The following ZC3H4 variants were observed in gnomAD, a reference collection of about 807,000 sequenced individuals.
The protein encoded by ZC3H4 is zinc finger CCCH-type containing 4, also known as zinc finger CCCH domain-containing protein 4.
ZC3H4 carries 13 observed loss-of-function variants against 108.3 expected under a neutral mutation model. The observed-to-expected ratio is 0.12, with a 90% CI of 0.08 to 0.19. ZC3H4 has a LOEUF of 0.19. Ranked by LOEUF, ZC3H4 falls within the 10% of genes least tolerant of loss-of-function variation. The pLI, the probability that ZC3H4 is intolerant of heterozygous loss-of-function variation, is 1.00. For missense variants in ZC3H4, 1,734 were observed against 1,838.8 expected (o/e 0.94, Z 1.04); for synonymous variants, 917 against 749.6 (o/e 1.22, Z -3.65).
intron 2 of ZC3H4, among the ~76,000 whole-genome samples, chr19:47,102,076 C>G (rs1382347328): frequency 1.3e-5 from 2 of 152,124 alleles, no homozygotes; most frequent in African/African-American, 4.8e-5. Flanking sequence ...AGTGGGACAA[C>G]TCAGCAATGT....
Position 47,071,798 on chromosome 19 carries a change from G to A in ZC3H4, c.2126C>T (p.Pro709Leu), listed in dbSNP as rs371980126. 1.2e-6 allele frequency: 2 copies of A among 1,612,102 alleles called. No homozygotes were observed. The highest frequency in any genetic ancestry group is 4.5e-5 in the East Asian group (2 of 44,864). Residue 709 changes from proline (P) to leucine (L), a missense_variant, in exon 13 of 15, where the codon CCC becomes CTC. By Grantham distance (98) the Pro-to-Leu change is moderately conservative (BLOSUM62 -3). Around this residue, in one of 9 missense-constraint regions of ZC3H4, gnomAD observed 540 missense variants for 484.1 expected, o/e 1.12. Coordinates refer to ENST00000253048, the MANE Select transcript of ZC3H4 (RefSeq NM_015168.2). Reference sequence around the variant, plus strand: ...CATACCTGCATCCCCCAGGAGTCCGGGCTCCATCTCCATGCCCTCCTGCTG... The same window carrying A: ...CATACCTGCATCCCCCAGGAGTCCGAGCTCCATCTCCATGCCCTCCTGCTG... ...YQQQEGMEME[P>L]GLLGDAEDYG...
At chr19:47,093,013 G>C (rs1159345566) in intron 4 of ZC3H4, among the ~76,000 whole-genome samples, 2 of 151,850 alleles carry the variant, frequency 1.3e-5, no homozygotes, top group East Asian at 3.9e-4. Flanking sequence ...TCAGGAGATG[G>C]AGACCATCCT....
chr19:47,071,045 C>T (rs1219755894), intron 13 of ZC3H4, among the ~76,000 whole-genome samples: 3 of 152,208 alleles, frequency 2.0e-5, no homozygotes, highest in Non-Finnish European at 4.4e-5. Context: ...TTGTGAGTGC[C>T]GCTTCACTTC....
rs778461185 is a variant in ZC3H4 at position 47,064,586 on chromosome 19, G to A, written c.*1770C>T. On this transcript the variant is annotated 3_prime_UTR_variant, in exon 15 of 15. Coordinates refer to ENST00000253048, the MANE Select transcript of ZC3H4 (RefSeq NM_015168.2). ...TTTTACAAAAGAAAATTCTCAAAAG[G>A]AGAGGAAAAACAACAACAAAAACCA... is the stretch of plus-strand genomic sequence containing the variant. The A allele has an allele frequency of 6.7e-5, 10 of 148,998 alleles. No homozygotes were observed. Among genetic ancestry groups the A allele is most frequent in the Non-Finnish European group, 1.5e-4 (10 of 65,656 alleles). The allele number at this position is 148,998 out of a possible 1,614,324, so 9.2% of individuals were successfully genotyped here. A position where few individuals can be genotyped will look rare whatever the true frequency, so the allele number is the denominator to read the frequency against.
At chr19:47,073,927 G>T (rs2057373861) in intron 11 of ZC3H4, among the ~76,000 whole-genome samples, 1 of 152,118 alleles carries the variant, frequency 6.6e-6, no homozygotes, top group South Asian at 2.1e-4. Context: ...GGATTTTAAG[G>T]GCCTCTGATC....
intron 2 of ZC3H4, among the ~76,000 whole-genome samples, chr19:47,109,976 G>A (rs1445677160): frequency 6.6e-6 from 1 of 152,158 alleles, no homozygotes; most frequent in Non-Finnish European, 1.5e-5. Flanking sequence ...TGGAGGAGGT[G>A]TTCCCTCCAA....
At chr19:47,073,997 G>C (rs1023567001) in intron 11 of ZC3H4, among the ~76,000 whole-genome samples, 1 of 152,054 alleles carries the variant, frequency 6.6e-6, no homozygotes, top group Non-Finnish European at 1.5e-5. Context: ...GGGTGTCTAG[G>C]TATCTGGGGA....
intron 2 of ZC3H4, among the ~76,000 whole-genome samples, chr19:47,102,282 G>C (rs983702184): frequency 6.6e-6 from 1 of 152,142 alleles, no homozygotes; most frequent in Non-Finnish European, 1.5e-5. Context: ...GCAAAGACCA[G>C]CTCTTAACCT....
rs1221987214 is a variant in ZC3H4, at chr19:47,067,107, T to C, written c.3161A>G (p.Asn1054Ser). ...GGGGGCGGCCGAGGAGCCGGTGGCATTGACTGTCTTGAGGATGCGAGACAG... is the reference window on the plus strand; with the variant it reads ...GGGGGCGGCCGAGGAGCCGGTGGCACTGACTGTCTTGAGGATGCGAGACAG... ...ELLSRILKTV[N>S]ATGSSAAPGS... The change falls in exon 15 of 15, where the codon AAT becomes AGT. Residue 1054 changes from asparagine to serine, a missense_variant. Asn to Ser is a conservative substitution (Grantham distance 46, BLOSUM62 1). This residue lies in a region of ZC3H4 where 518 missense variants were observed against 499.6 expected (regional missense o/e 1.04). Coordinates refer to ENST00000253048, the MANE Select transcript of ZC3H4 (RefSeq NM_015168.2). This position sits in a 1 kb window ranked among gnomAD's most constrained non-coding sequence, Gnocchi z 6.4. 3 of 1,611,626 alleles carry C rather than the reference T, an allele frequency of 1.9e-6. No homozygotes were observed. The highest frequency in any genetic ancestry group is 2.7e-5 in the African/African-American group (2 of 74,836).
At chr19:47,079,906 A>G (rs981328680) in intron 11 of ZC3H4, among the ~76,000 whole-genome samples, 4 of 152,070 alleles carry the variant, frequency 2.6e-5, no homozygotes, top group African/African-American at 9.7e-5. Context: ...ACAAAACAAA[A>G]AAACCCTAGG....
At chr19:47,094,674 C>A in intron 2 of ZC3H4, 66 bp from the exon 3 acceptor site, 1 of 1,538,758 alleles carries the variant, frequency 6.5e-7, no homozygotes, top group South Asian at 1.2e-5. Context: ...GGGCTCTGGG[C>A]TGGCCAAGGC....
chr19:47,078,651 C>A (rs2057465109), intron 11 of ZC3H4, among the ~76,000 whole-genome samples: 1 of 151,386 alleles, frequency 6.6e-6, no homozygotes, highest in African/African-American at 2.4e-5. Context: ...AAACTAATCA[C>A]GAATTTGAGA....
At chr19:47,077,463 C>T (rs919941614) in intron 11 of ZC3H4, among the ~76,000 whole-genome samples, 4 of 149,234 alleles carry the variant, frequency 2.7e-5, no homozygotes, top group Admixed American at 2.0e-4. Context: ...AGTGAAACTC[C>T]GTCTTAAAAA....
chr19:47,079,020 C>A (rs1027564059), intron 11 of ZC3H4, among the ~76,000 whole-genome samples: 9 of 150,590 alleles, frequency 6.0e-5, no homozygotes, highest in Non-Finnish European at 5.9e-5. Flanking sequence ...AAGCAAGACT[C>A]CATTTCATTT....
rs1183489865 is a variant in ZC3H4, at chr19:47,065,504, G to GCAAGCAGGGTGTGGC, written c.*837_*851dup. On this transcript the variant is annotated 3_prime_UTR_variant, in exon 15 of 15. Transcript: ENST00000253048. The stretch of plus-strand genomic sequence containing the variant: ...AGGACCAGGACAGACCCTGGTGTGG[G>GCAAGCAGGGTGTGGC]CAAGCAGGGTGTGGCCCACCTGATA... 3 of 152,748 alleles carry GCAAGCAGGGTGTGGC rather than the reference G, an allele frequency of 2.0e-5. No homozygotes were observed. Among genetic ancestry groups the GCAAGCAGGGTGTGGC allele is most frequent in the Non-Finnish European group, 4.4e-5 (3 of 68,198 alleles). 9.5% of individuals were successfully genotyped at this position (152,748 alleles called of 1,614,324 possible). A position where few individuals can be genotyped will look rare whatever the true frequency, so the allele number is the denominator to read the frequency against.
intron 13 of ZC3H4, among the ~76,000 whole-genome samples, chr19:47,071,453 CACTA>C (rs941236136): frequency 6.6e-6 from 1 of 152,150 alleles, no homozygotes; most frequent in Admixed American, 6.5e-5. Flanking sequence ...TTGGCCAGGC[CACTA>C]ACTGAGTCCT....
chr19:47,091,292 C>T (rs2057727501), intron 4 of ZC3H4, among the ~76,000 whole-genome samples: 1 of 151,154 alleles, frequency 6.6e-6, no homozygotes, highest in Non-Finnish European at 1.5e-5. Flanking sequence ...AAATAAAGTC[C>T]GGGCACAGTA....
intron 2 of ZC3H4, among the ~76,000 whole-genome samples, chr19:47,102,047 A>T (rs1204474660): frequency 6.6e-6 from 1 of 152,174 alleles, no homozygotes; most frequent in Non-Finnish European, 1.5e-5. Flanking sequence ...AAAAAAGAAA[A>T]AGAAAACAAG....
intron 2 of ZC3H4, 78 bp from the exon 3 acceptor site, chr19:47,094,686 G>C: frequency 6.8e-7 from 1 of 1,471,100 alleles, no homozygotes; most frequent in South Asian, 1.2e-5. Context: ...GGCCAAGGCT[G>C]ACAGGAACCG....
Sources: gnomAD v4.1 joint callset for allele counts (sites outside exome capture counted in the v4.1 genomes callset) on GRCh38, gnomAD v4.1.1 for gene constraint, gnomAD v4.1.1 regional missense constraint, Gnocchi (gnomAD v3.1) non-coding constraint, MANE v1.5 for transcripts, NCBI Gene and HGNC (gene_info 2026-07-23, HGNC 2026-07-21) for gene names.